ARHGEF7: variants seen among roughly 807,000 people sequenced by gnomAD.
The protein encoded by ARHGEF7 is Rho guanine nucleotide exchange factor 7.
In ARHGEF7, 33 loss-of-function variants were observed where a neutral mutation model predicts 109.8. That is an observed-to-expected ratio of 0.30 (90% confidence interval 0.23 to 0.40). The LOEUF (loss-of-function observed/expected upper bound fraction) is 0.40, where lower values mean the gene tolerates loss of function less well. Among genes scored for constraint, ARHGEF7 ranks in the 10% least tolerant of loss-of-function variants. The probability of loss-of-function intolerance (pLI) is 1.00; values close to 1 mark genes in which losing one functional copy is unlikely to be tolerated. For missense variants in ARHGEF7, 938 were observed against 1,098.5 expected, an observed-to-expected ratio of 0.85 and a Z score of 2.07; for synonymous variants, 458 against 424.6, an observed-to-expected ratio of 1.08 and a Z score of -0.97.
intron 13 of ARHGEF7, among the ~76,000 whole-genome samples, chr13:111,279,082 C>T (rs1373444112): frequency 2.6e-5 from 4 of 152,292 alleles, no homozygotes; most frequent in Middle Eastern, 3.4e-3. Flanking sequence ...TTCTATACAC[C>T]GATGTTCAGA....
intron 4 of ARHGEF7, among the ~76,000 whole-genome samples, chr13:111,213,191 G>A (rs1370520586): frequency 6.6e-6 from 1 of 152,144 alleles, no homozygotes; most frequent in African/African-American, 2.4e-5. Context: ...ATACTGATGG[G>A]TGGTGCTTTG....
intron 5 of ARHGEF7, among the ~76,000 whole-genome samples, chr13:111,221,533 C>CTATATATATAGATATATATCTATATA (rs559489504): frequency 3.0e-5 from 1 of 33,810 alleles, no homozygotes; most frequent in Non-Finnish European, 5.7e-5. Context: ...CTATATATAT[C>CTATATATATAGATATATATCTATATA]TATATATAGA....
intron 6 of ARHGEF7, among the ~76,000 whole-genome samples, chr13:111,236,178 G>A (rs751833000): frequency 6.6e-6 from 1 of 152,168 alleles, no homozygotes; most frequent in Non-Finnish European, 1.5e-5. Context: ...GACTCCTGTG[G>A]TGCAATTAGT....
chr13:111,244,279 T>C lies in ARHGEF7; in HGVS notation c.935T>C (p.Leu312Ser). 1 of 1,598,642 alleles carries C rather than the reference T, an allele frequency of 6.3e-7. No individual in the cohort carries two copies. The highest frequency in any genetic ancestry group is 1.3e-5 in the African/African-American group (1 of 74,346). Residue 312 changes from leucine (L) to serine (S), a missense_variant, in exon 8 of 22, where the codon TTA becomes TCA. Coordinates refer to ENST00000646102, the MANE Select transcript of ARHGEF7 (RefSeq NM_001354046.2). ...TTCCAGCAAATGCTCGTACAGTCTTTAGAAGAATGCACCAAGTAAGTAAGA... is the reference window on the plus strand; with the variant it reads ...TTCCAGCAAATGCTCGTACAGTCTTCAGAAGAATGCACCAAGTAAGTAAGA... ...CSFQQMLVQS[L>S]EECTKLPEAQ... is the part of the protein sequence containing the mutation.
intron 4 of ARHGEF7, among the ~76,000 whole-genome samples, chr13:111,215,587 TATG>T (rs1254743070): frequency 2.0e-5 from 3 of 152,242 alleles, no homozygotes; most frequent in Non-Finnish European, 4.4e-5. Flanking sequence ...CGTTGTATGC[TATG>T]ACTGTTCTTA....
At chr13:111,195,673 A>G (rs1251578591) in intron 2 of ARHGEF7, among the ~76,000 whole-genome samples, 1 of 151,780 alleles carries the variant, frequency 6.6e-6, no homozygotes, top group Non-Finnish European at 1.5e-5. Flanking sequence ...GAACCATTGC[A>G]CTCTGGGGCA....
intron 15 of ARHGEF7, among the ~76,000 whole-genome samples, chr13:111,281,289 C>T (rs1046565596): frequency 4.4e-5 from 6 of 137,388 alleles, no homozygotes; most frequent in African/African-American, 1.1e-4. Context: ...AAGTTGGTAT[C>T]GGGTTGTTTT....
intron 1 of ARHGEF7, 137 bp from the exon 2 acceptor site, chr13:111,153,768 C>T: frequency 4.4e-6 from 6 of 1,358,450 alleles, no homozygotes; most frequent in Non-Finnish European, 5.6e-6. Flanking sequence ...GGGCAGCGGG[C>T]TCGCTCCAGG....
chr13:111,198,028 C>G (rs900239241), intron 2 of ARHGEF7, among the ~76,000 whole-genome samples: 5 of 152,008 alleles, frequency 3.3e-5, no homozygotes, highest in Non-Finnish European at 2.9e-5. Context: ...TTGTTGGGAC[C>G]CCGGAGTTGA....
In ARHGEF7 at chr13:111,283,205, G is replaced by A. The variant is rs745692209; in HGVS notation, c.1792G>A (p.Ala598Thr). Reference sequence around the variant, plus strand: ...CAGCAAGCCCGCGCCGCTGACGCCCGCCTACCACACGCTGCCCCACCCCTC... The same window carrying A: ...CAGCAAGCCCGCGCCGCTGACGCCCACCTACCACACGCTGCCCCACCCCTC... ...ADSKPAPLTP[A>T]YHTLPHPSHH... is the part of the protein sequence containing the mutation. The change falls in exon 16 of 22, where the codon GCC becomes ACC. Residue 598 changes from alanine to threonine, a missense_variant. Transcript: ENST00000646102. 1.3e-5 allele frequency: 21 copies of A among 1,596,780 alleles called. No homozygotes were observed. Among genetic ancestry groups the A allele is most frequent in the African/African-American group, 5.4e-5 (4 of 74,690 alleles).
intron 1 of ARHGEF7, among the ~76,000 whole-genome samples, chr13:111,152,763 G>A (rs77284074): frequency 0.013 from 1,967 of 152,294 alleles, 32 homozygotes; most frequent in African/African-American, 0.046. Flanking sequence ...TGGAACATAA[G>A]TTTTCTTACA....
chr13:111,138,199 G>C (rs577910497), intron 1 of ARHGEF7, among the ~76,000 whole-genome samples: 1 of 152,290 alleles, frequency 6.6e-6, no homozygotes, highest in African/African-American at 2.4e-5. Flanking sequence ...TGTAATCCCA[G>C]CTACTCGGGG....
At chr13:111,183,181 C>T (rs1350534627) in intron 2 of ARHGEF7, among the ~76,000 whole-genome samples, 2 of 152,186 alleles carry the variant, frequency 1.3e-5, no homozygotes, top group South Asian at 2.1e-4. Flanking sequence ...CTAGCAGTCA[C>T]ATTGCACGCA....
chr13:111,242,607 C>T (rs1357735978), intron 6 of ARHGEF7, among the ~76,000 whole-genome samples: 21 of 152,158 alleles, frequency 1.4e-4, no homozygotes, highest in Non-Finnish European at 2.6e-4. Flanking sequence ...GTAACAGACT[C>T]GGGTGAAAAA....
chr13:111,185,370 C>T (rs1185909803), intron 2 of ARHGEF7: 1 of 152,278 alleles, frequency 6.6e-6, no homozygotes, highest in Non-Finnish European at 1.5e-5. Flanking sequence ...GTTTAGACTG[C>T]TCATAGCCTT....
At chr13:111,178,032 C>T (rs2078338619) in intron 2 of ARHGEF7, among the ~76,000 whole-genome samples, 2 of 152,234 alleles carry the variant, frequency 1.3e-5, no homozygotes, top group African/African-American at 4.8e-5. Flanking sequence ...TGACCTCCTT[C>T]CTCTCTCCTA....
chr13:111,235,438 T>C (rs2086673940), intron 6 of ARHGEF7, among the ~76,000 whole-genome samples: 1 of 152,238 alleles, frequency 6.6e-6, no homozygotes, highest in South Asian at 2.1e-4. Context: ...TTATAAGTGC[T>C]CTTTTCTTCA....
chr13:111,262,909 T>A (rs2091256568), intron 8 of ARHGEF7, among the ~76,000 whole-genome samples: 1 of 152,228 alleles, frequency 6.6e-6, no homozygotes, highest in Non-Finnish European at 1.5e-5. Flanking sequence ...GCTGGCATGA[T>A]GCGTGCTGCC....
intron 2 of ARHGEF7, chr13:111,182,176 C>G (rs751630139): frequency 6.6e-6 from 1 of 152,194 alleles, no homozygotes; most frequent in East Asian, 1.9e-4. Context: ...TTCACGGTGT[C>G]GAGCGTGCTG....
Sources: gnomAD v4.1 joint callset for allele counts (sites outside exome capture counted in the v4.1 genomes callset) on GRCh38, gnomAD v4.1.1 for gene constraint, MANE v1.5 for transcripts, NCBI Gene and HGNC (gene_info 2026-07-23, HGNC 2026-07-21) for gene names.